Variants in LRRTM4 observed in about 807,000 individuals in gnomAD.
The protein encoded by LRRTM4 is leucine-rich repeat transmembrane neuronal protein 4.
In LRRTM4, 25 loss-of-function variants were observed where a neutral mutation model predicts 47.6. That is an observed-to-expected ratio of 0.53 (90% confidence interval 0.38 to 0.73). The LOEUF (loss-of-function observed/expected upper bound fraction) is 0.73, where lower values mean the gene tolerates loss of function less well. LRRTM4 is among the 30% of genes least tolerant of loss of function. LRRTM4 has a pLI of 0.00. For missense variants in LRRTM4, 638 were observed against 713.4 expected, an observed-to-expected ratio of 0.89 and a Z score of 1.20; for synonymous variants, 311 against 269.5, an observed-to-expected ratio of 1.15 and a Z score of -1.51.
chr2:77,182,743 T>G (rs2103859980), intron 3 of LRRTM4, among the ~76,000 whole-genome samples: 1 of 152,244 alleles, frequency 6.6e-6, no homozygotes, highest in South Asian at 2.1e-4. Flanking sequence ...CATCCCTGCC[T>G]TGCGCCAGTT....
At chr2:77,423,291 G>A (rs1015935741) in intron 3 of LRRTM4, among the ~76,000 whole-genome samples, 1 of 151,396 alleles carries the variant, frequency 6.6e-6, no homozygotes, top group Non-Finnish European at 1.5e-5. Flanking sequence ...TTATTTTAGG[G>A]CACATGGGTC....
At chr2:76,871,191 A>G (rs1162536013) in intron 3 of LRRTM4, among the ~76,000 whole-genome samples, 1 of 152,214 alleles carries the variant, frequency 6.6e-6, no homozygotes, top group African/African-American at 2.4e-5. Flanking sequence ...TAAAATAGAA[A>G]TGAACTTCTA....
At position 77,016,069 on chromosome 2, in the gene LRRTM4, A is replaced by C. The variant is rs1678057581; in HGVS notation, c.1552-267153T>G. Among the ~76,000 whole-genome samples, 3 of 151,992 alleles carry C rather than the reference A, an allele frequency of 2.0e-5. No homozygotes were observed. In the South Asian group the frequency reaches 6.2e-4, roughly 32 times the overall value. ...GCGCTCCAGCCTGGGTGACAGAATGAGATTCTGTCTCCAAAACAAAATATA... is the reference window on the plus strand; with the variant it reads ...GCGCTCCAGCCTGGGTGACAGAATGCGATTCTGTCTCCAAAACAAAATATA... On this transcript the variant is annotated intron_variant, in intron 3 of 3. Coordinates refer to ENST00000409884, the MANE Select transcript of LRRTM4 (RefSeq NM_001134745.3).
rs1190111254 is a variant in LRRTM4 at position 76,991,513 on chromosome 2, A to G, written c.1552-242597T>C. ...AACACTGTTATGAACATACCAATGC[A>G]CACGAAGTACAAATTCTAGCGGAAA... On this transcript the variant is annotated intron_variant, in intron 3 of 3. Coordinates refer to ENST00000409884, the MANE Select transcript of LRRTM4 (RefSeq NM_001134745.3). 1.4e-4 allele frequency among the ~76,000 whole-genome samples: 21 copies of G among 151,802 alleles called. No individual in the cohort carries two copies. The Admixed American group carries it at 1.4e-3, about 10-fold the overall frequency.
chr2:77,411,466 T>G (rs1674425969), intron 3 of LRRTM4, among the ~76,000 whole-genome samples: 1 of 139,270 alleles, frequency 7.2e-6, no homozygotes, highest in African/African-American at 2.7e-5. Flanking sequence ...TTTTTTTTTT[T>G]TTTTGAGACG....
chr2:76,795,445 C>T (rs574578038), intron 3 of LRRTM4, among the ~76,000 whole-genome samples: 2 of 152,104 alleles, frequency 1.3e-5, no homozygotes, highest in Admixed American at 6.5e-5. Flanking sequence ...CTAAATAAAA[C>T]ATTGTAATGA....
intron 3 of LRRTM4, among the ~76,000 whole-genome samples, chr2:77,083,626 CA>C (rs1680602319): frequency 2.0e-5 from 3 of 151,844 alleles, no homozygotes; most frequent in Admixed American, 2.0e-4. Flanking sequence ...ACTAGATATT[CA>C]CATACTGTAG....
intron 3 of LRRTM4, among the ~76,000 whole-genome samples, chr2:77,112,548 T>G (rs943910736): frequency 2.0e-5 from 3 of 152,226 alleles, no homozygotes; most frequent in Non-Finnish European, 4.4e-5. Context: ...CCCAAACATT[T>G]TATTGATTTT....
At chr2:77,252,312 C>T (rs1323255484) in intron 3 of LRRTM4, among the ~76,000 whole-genome samples, 1 of 152,114 alleles carries the variant, frequency 6.6e-6, no homozygotes, top group Non-Finnish European at 1.5e-5. Context: ...ACCCTACATA[C>T]ACTTGGGGCA....
chr2:77,400,195 G>A (rs1673889633), intron 3 of LRRTM4, among the ~76,000 whole-genome samples: 1 of 151,534 alleles, frequency 6.6e-6, no homozygotes, highest in African/African-American at 2.4e-5. Context: ...TCTTGACTTG[G>A]TAACATGATA....
At chr2:76,991,398 T>C (rs1451732557) in intron 3 of LRRTM4, among the ~76,000 whole-genome samples, 2 of 151,538 alleles carry the variant, frequency 1.3e-5, no homozygotes, top group African/African-American at 4.8e-5. Flanking sequence ...GACCACTAGC[T>C]AGACTAACAA....
intron 3 of LRRTM4, among the ~76,000 whole-genome samples, chr2:77,257,654 A>C (rs946429313): frequency 6.6e-6 from 1 of 152,052 alleles, no homozygotes; most frequent in Non-Finnish European, 1.5e-5. Flanking sequence ...ATAGACCGAG[A>C]GAAAATATTT....
intron 3 of LRRTM4, among the ~76,000 whole-genome samples, chr2:76,789,551 C>T (rs1479956038): frequency 6.6e-6 from 1 of 152,154 alleles, no homozygotes; most frequent in Non-Finnish European, 1.5e-5. Flanking sequence ...CCTGTGGCAC[C>T]AGCCACATAC....
At chr2:77,483,202 T>C (rs1677783993) in intron 3 of LRRTM4, among the ~76,000 whole-genome samples, 2 of 147,786 alleles carry the variant, frequency 1.4e-5, no homozygotes, top group Non-Finnish European at 3.0e-5. Flanking sequence ...TTACAATGCA[T>C]ATACATCATC....
chr2:76,932,707 T>A (rs1330228222), intron 3 of LRRTM4, among the ~76,000 whole-genome samples: 1 of 152,130 alleles, frequency 6.6e-6, no homozygotes, highest in Non-Finnish European at 1.5e-5. Flanking sequence ...TATATATGAA[T>A]GTGTTCATAT....
intron 3 of LRRTM4, among the ~76,000 whole-genome samples, chr2:77,479,874 C>G (rs1174834793): frequency 6.6e-6 from 1 of 152,028 alleles, no homozygotes; most frequent in Non-Finnish European, 1.5e-5. Flanking sequence ...AAGCTATAAA[C>G]CAGCTGATAT....
Position 77,158,893 on chromosome 2 carries a change from T to C in LRRTM4, c.1551+359425A>G, listed in dbSNP as rs541828178. 7.9e-5 allele frequency among the ~76,000 whole-genome samples: 12 copies of C among 152,106 alleles called. No individual in the cohort carries two copies. In the South Asian group the frequency reaches 2.5e-3, roughly 31 times the overall value. ...TAACTTTATAATTAATTACATACGA[T>C]ATAACAATTATCACCTGTCTTCTGC... On this transcript the variant is annotated intron_variant, in intron 3 of 3. Coordinates refer to ENST00000409884, the MANE Select transcript of LRRTM4 (RefSeq NM_001134745.3).
intron 3 of LRRTM4, among the ~76,000 whole-genome samples, chr2:76,910,012 T>C (rs900806436): frequency 2.9e-4 from 44 of 152,244 alleles, no homozygotes; most frequent in Admixed American, 9.2e-4. Context: ...ACCCAAAGGA[T>C]TGTAAATCAT....
intron 3 of LRRTM4, among the ~76,000 whole-genome samples, chr2:77,018,425 T>C (rs1399264137): frequency 3.3e-5 from 5 of 152,102 alleles, no homozygotes; most frequent in South Asian, 2.1e-4. Context: ...GAAGAAACCA[T>C]GTAGCTGCCA....
Sources: allele counts gnomAD v4.1 joint callset (sites outside exome capture counted in the v4.1 genomes callset), GRCh38; gene constraint gnomAD v4.1.1; transcripts MANE v1.5; gene names NCBI Gene and HGNC (gene_info 2026-07-23, HGNC 2026-07-21).